The following MAP4K2 variants were observed in gnomAD, a reference collection of about 807,000 sequenced individuals.
MAP4K2 encodes mitogen-activated protein kinase kinase kinase kinase 2, also known as B lymphocyte serine/threonine protein kinase.
A neutral mutation model predicts 125.3 loss-of-function variants in MAP4K2; 85 were observed. The observed-to-expected ratio is 0.68, with a 90% CI of 0.57 to 0.81. The LOEUF is 0.81. Among genes scored for constraint, MAP4K2 ranks in the 40% least tolerant of loss-of-function variants. The pLI is 0.00. For synonymous variants in MAP4K2, 479 were observed against 445.1 expected, an observed-to-expected ratio of 1.08 and a Z score of -0.96; for missense variants, 923 against 1,056.4, an observed-to-expected ratio of 0.87 and a Z score of 1.75.
intron 8 of MAP4K2, 38 bp downstream of exon 8, chr11:64,801,073 C>G (rs1281563733): frequency 1.3e-5 from 21 of 1,613,558 alleles, no homozygotes; most frequent in Non-Finnish European, 1.7e-5. Flanking sequence ...GTGCCCTGCT[C>G]TGTGGCCCCT....
At chr11:64,793,023 C>A (rs1040383433) in intron 24 of MAP4K2, among the ~76,000 whole-genome samples, 9 of 152,114 alleles carry the variant, frequency 5.9e-5, no homozygotes, top group Non-Finnish European at 1.3e-4. Context: ...TCGAGACCAG[C>A]CTGACCAACA....
intron 14 of MAP4K2, 58 bp from the exon 15 acceptor site, chr11:64,798,895 G>A: frequency 1.4e-6 from 2 of 1,430,764 alleles, no homozygotes; most frequent in East Asian, 2.5e-5. Context: ...AACGTGAGAG[G>A]GCGCTCAAGA....
In MAP4K2 at chr11:64,803,045, C is replaced by T. The variant is rs753689951; in HGVS notation, c.96+9G>A. Reference sequence around the variant, plus strand: ...CCTCCTCCCGGCTCTCCCGCCCGTCCCGTCGCACCTTGTAGACGTCGCCAT... The same window carrying T: ...CCTCCTCCCGGCTCTCCCGCCCGTCTCGTCGCACCTTGTAGACGTCGCCAT... On this transcript the variant is annotated intron_variant, in intron 1 of 31. Coordinates refer to ENST00000294066, the MANE Select transcript of MAP4K2 (RefSeq NM_004579.5). 3.7e-6 allele frequency: 6 copies of T among 1,603,382 alleles called. No individual in the cohort carries two copies. The African/African-American group carries it at 8.1e-5, about 22-fold the overall frequency.
intron 24 of MAP4K2, among the ~76,000 whole-genome samples, chr11:64,795,325 G>A (rs139990048): frequency 0.025 from 3,829 of 151,500 alleles, 159 homozygotes; most frequent in African/African-American, 0.088. Flanking sequence ...CTCATGATCC[G>A]CCCACCTCGG....
chr11:64,799,663 G>C lies in MAP4K2; in HGVS notation c.936C>G (p.Asp312Glu). The change falls in exon 13 of 32, where the codon GAC becomes GAG. Residue 312 changes from aspartate (D) to glutamate (E), a missense_variant. By Grantham distance (45) the Asp-to-Glu change is conservative (BLOSUM62 2). Around this residue, in one of 2 missense-constraint regions of MAP4K2, gnomAD observed 833 missense variants for 911.4 expected, o/e 0.91. Coordinates refer to ENST00000294066, the MANE Select transcript of MAP4K2 (RefSeq NM_004579.5). The stretch of plus-strand genomic sequence containing the variant: ...CGTGCTGCCCCCGGGAGTGAATGGT[G>C]TCTGGAAACATGTCATAGGTCTAAG... Reference protein sequence around the residue: ...CELETYDMFPDTIHSRGQHGP... With the variant: ...CELETYDMFPETIHSRGQHGP... The C allele has an allele frequency of 1.2e-6, 2 of 1,613,908 alleles. No individual in the cohort carries two copies. The highest frequency in any genetic ancestry group is 2.2e-5 in the South Asian group (2 of 91,076).
chr11:64,797,926 C>T (rs1592596410), intron 15 of MAP4K2, among the ~76,000 whole-genome samples: 2 of 151,524 alleles, frequency 1.3e-5, no homozygotes, highest in African/African-American at 4.8e-5. Flanking sequence ...AGGATGGTTT[C>T]GATCTCCTGC....
In MAP4K2 at chr11:64,786,678, G is replaced by A. The variant is rs546605138; in HGVS notation, c.*2859C>T. 5 of 152,224 alleles carry A rather than the reference G, an allele frequency of 3.3e-5. No individual in the cohort carries two copies. Among genetic ancestry groups the A allele is most frequent in the Admixed American group, 6.5e-5 (1 of 15,288 alleles). The allele number at this position is 152,224 out of a possible 1,614,324, so 9.4% of individuals were successfully genotyped here. On this transcript the variant is annotated 3_prime_UTR_variant, in exon 32 of 32. Transcript: ENST00000294066. ...GCAACTGGACAGCAGCTATCACCAC[G>A]GCATATGTAGCCACCGCTAACTCAT...
rs1434601390 is a variant in MAP4K2, at chr11:64,790,170, C to T, written c.2248+18G>A. 1 of 1,613,902 alleles carries T rather than the reference C, an allele frequency of 6.2e-7. No homozygotes were observed. Among genetic ancestry groups the T allele is most frequent in the Non-Finnish European group, 8.5e-7 (1 of 1,179,800 alleles). ...CCAGGCCAGGGAAAGGCCTGCACCCCACCTCTGGCTCACTCACCCACAGTC... is the reference window on the plus strand; with the variant it reads ...CCAGGCCAGGGAAAGGCCTGCACCCTACCTCTGGCTCACTCACCCACAGTC... On this transcript the variant is annotated intron_variant, in intron 29 of 31. Coordinates refer to ENST00000294066, the MANE Select transcript of MAP4K2 (RefSeq NM_004579.5).
In MAP4K2 at chr11:64,797,196, C is replaced by T; in HGVS notation, c.1277-4G>A. The T allele has an allele frequency of 6.2e-7, 1 of 1,612,916 alleles. No individual in the cohort carries two copies. Among genetic ancestry groups the T allele is most frequent in the Non-Finnish European group, 8.5e-7 (1 of 1,179,524 alleles). On this transcript the variant is annotated splice_polypyrimidine_tract_variant and splice_region_variant and intron_variant, in intron 18 of 31. Coordinates refer to ENST00000294066, the MANE Select transcript of MAP4K2 (RefSeq NM_004579.5). ...GAAGGAGGTGGGGGCAGGGTTCCTG[C>T]AGGCACAGGCGTGCTGTAATTTCCT...
chr11:64,796,821 G>C lies in MAP4K2; in HGVS notation c.1480C>G (p.Pro494Ala). The C allele has an allele frequency of 6.2e-7, 1 of 1,613,734 alleles. No homozygotes were observed. The highest frequency in any genetic ancestry group is 8.5e-7 in the Non-Finnish European group (1 of 1,180,028). ...RIHAAVTWIH[P>A]VTRDQFLVVG... ...TGCCCCCACCTACCCCGAGTAACAGGGTGAATCCAGGTGACAGCAGCGTGG... is the reference window on the plus strand; with the variant it reads ...TGCCCCCACCTACCCCGAGTAACAGCGTGAATCCAGGTGACAGCAGCGTGG... Residue 494 changes from proline to alanine, a missense_variant, in exon 21 of 32, where the codon CCT becomes GCT. Coordinates refer to ENST00000294066, the MANE Select transcript of MAP4K2 (RefSeq NM_004579.5).
At position 64,785,603 on chromosome 11, in the gene MAP4K2, T is replaced by C. The variant is rs1034827261; in HGVS notation, c.*3934A>G. 4.0e-5 allele frequency: 6 copies of C among 150,962 alleles called. No individual in the cohort carries two copies. The highest frequency in any genetic ancestry group is 1.5e-4 in the African/African-American group (6 of 41,078). 9.4% of individuals were successfully genotyped at this position (150,962 alleles called of 1,614,324 possible). On this transcript the variant is annotated 3_prime_UTR_variant, in exon 32 of 32. Coordinates refer to ENST00000294066, the MANE Select transcript of MAP4K2 (RefSeq NM_004579.5). The stretch of plus-strand genomic sequence containing the variant: ...AATTTTTTTCCTTTTTTTTTTTTTC[T>C]TTTTGAGACAGGTTCTCACTCTGTC...
At chr11:64,791,598 T>C (rs887411789) in intron 27 of MAP4K2, among the ~76,000 whole-genome samples, 1 of 152,224 alleles carries the variant, frequency 6.6e-6, no homozygotes, top group East Asian at 1.9e-4. Context: ...CTCAAACTCA[T>C]GAGCTCAAGC....
At chr11:64,790,338 G>A (rs1453452928) in intron 28 of MAP4K2, 56 bp downstream of exon 28, 28 of 1,612,482 alleles carry the variant, frequency 1.7e-5, no homozygotes, top group Admixed American at 6.7e-5. Flanking sequence ...GCAGACCCAC[G>A]TGGTCGCCTT....
Position 64,802,619 on chromosome 11 carries a change from G to A in MAP4K2, c.189C>T (p.Thr63=). The change falls in exon 3 of 32, where the codon ACC becomes ACT. Residue 63 remains threonine, a synonymous_variant. Coordinates refer to ENST00000294066, the MANE Select transcript of MAP4K2 (RefSeq NM_004579.5). ...TGGGGTGGCGGCACTCACGCAGGAT[G>A]GTGATTTCCTGCTGGAGGGAGCTGA... The part of the protein sequence containing the change: ...DDISSLQQEI[T]ILRECRHPNV... 6.2e-7 allele frequency: 1 copy of A among 1,612,416 alleles called. No homozygotes were observed. The highest frequency in any genetic ancestry group is 1.1e-5 in the South Asian group (1 of 90,916).
At chr11:64,801,651 CT>C in intron 6 of MAP4K2, 30 bp from the exon 7 acceptor site, 1 of 1,613,982 alleles carries the variant, frequency 6.2e-7, no homozygotes. Flanking sequence ...ACAATCCCAT[CT>C]GGTGCCCCCG....
rs1320866828 is a variant in MAP4K2 at position 64,799,999 on chromosome 11, C to T, written c.915+110G>A. 3.2e-6 allele frequency: 3 copies of T among 946,438 alleles called. 1 individual carries two copies. The South Asian group carries it at 4.4e-5, about 14-fold the overall frequency. The allele number at this position is 946,438 out of a possible 1,614,324, so 58.6% of individuals were successfully genotyped here. ...CCTAATGGGAGGGCTCAGCTGAGGCCAGCTCCCTGAGCTGGAATGGTGCCA... is the reference window on the plus strand; with the variant it reads ...CCTAATGGGAGGGCTCAGCTGAGGCTAGCTCCCTGAGCTGGAATGGTGCCA... On this transcript the variant is annotated intron_variant, in intron 12 of 31. Transcript: ENST00000294066.
chr11:64,802,872 C>G lies in MAP4K2; in HGVS notation c.154+13G>C. 1 of 1,598,462 alleles carries G rather than the reference C, an allele frequency of 6.3e-7. No homozygotes were observed. The highest frequency in any genetic ancestry group is 8.5e-7 in the Non-Finnish European group (1 of 1,173,494). On this transcript the variant is annotated intron_variant, in intron 2 of 31. Transcript: ENST00000294066. ...CCCTTCCTCTGGCGCAGAGGCCCGA[C>G]CCGGGCCCTCACCTGGGTCTAGCTT... is the stretch of plus-strand genomic sequence containing the variant.
In MAP4K2 at chr11:64,800,933, A is replaced by T. The variant is rs774116036; in HGVS notation, c.629T>A (p.Leu210Gln). ...GTGCAGGTGGAACAGAGGGGGCTGCAGCTCGCCCAGCTCAATGGCAGTGAT... is the reference window on the plus strand; with the variant it reads ...GTGCAGGTGGAACAGAGGGGGCTGCTGCTCGCCCAGCTCAATGGCAGTGAT... ...LGITAIELGELQPPLFHLHPM... is the reference protein window; with the variant it reads ...LGITAIELGEQQPPLFHLHPM... The change falls in exon 9 of 32, where the codon CTG becomes CAG. Residue 210 changes from leucine to glutamine, a missense_variant. By Grantham distance (113) the Leu-to-Gln change is moderately radical (BLOSUM62 -2). Coordinates refer to ENST00000294066, the MANE Select transcript of MAP4K2 (RefSeq NM_004579.5). 6.2e-7 allele frequency: 1 copy of T among 1,614,016 alleles called. No individual in the cohort carries two copies. Among genetic ancestry groups the T allele is most frequent in the East Asian group, 2.2e-5 (1 of 44,876 alleles).
Position 64,791,939 on chromosome 11 carries a change from C to A in MAP4K2, c.2062G>T (p.Gly688Cys). 6.2e-7 allele frequency: 1 copy of A among 1,602,174 alleles called. No individual in the cohort carries two copies. Among genetic ancestry groups the A allele is most frequent in the Non-Finnish European group, 8.5e-7 (1 of 1,174,128 alleles). Residue 688 changes from glycine to cysteine, a missense_variant, in exon 27 of 32, where the codon GGC becomes TGC. Physicochemically the swap from Gly to Cys is radical, Grantham distance 159 (BLOSUM62 -3). Transcript: ENST00000294066. ...VLFHVLPLEA[G>C]LTPDILIPPE... Reference sequence around the variant, plus strand: ...GGGATGAGGATGTCGGGCGTCAGGCCAGCCTCCAGGGGCAGGACATGGAAC... The same window carrying A: ...GGGATGAGGATGTCGGGCGTCAGGCAAGCCTCCAGGGGCAGGACATGGAAC...
Sources: gnomAD v4.1 joint callset for allele counts (sites outside exome capture counted in the v4.1 genomes callset) on GRCh38, gnomAD v4.1.1 for gene constraint, gnomAD v4.1.1 regional missense constraint, MANE v1.5 for transcripts, NCBI Gene and HGNC (gene_info 2026-07-23, HGNC 2026-07-21) for gene names.